Variants in CDKL1 observed in about 807,000 individuals in gnomAD.
CDKL1 encodes cyclin-dependent kinase-like 1.
Under a neutral mutation model 42.0 loss-of-function variants are expected in CDKL1, and 41 were observed. The ratio of observed to expected loss-of-function variants is 0.98; its 90% CI spans 0.76 to 1.27. CDKL1 has a LOEUF of 1.27. Among genes scored for constraint, CDKL1 ranks in the 50% most tolerant of loss-of-function variants. The pLI is 0.00. For synonymous variants in CDKL1, 153 were observed against 158.6 expected, an observed-to-expected ratio of 0.96 and a Z score of 0.26; for missense variants, 394 against 428.4, an observed-to-expected ratio of 0.92 and a Z score of 0.71.
chr14:50,338,092 A>C (rs2033374274), intron 7 of CDKL1, among the ~76,000 whole-genome samples: 1 of 152,192 alleles, frequency 6.6e-6, no homozygotes. Flanking sequence ...TCACAGGAAT[A>C]AATTGTTGGA....
intron 2 of CDKL1, among the ~76,000 whole-genome samples, chr14:50,368,717 C>T (rs1166016785): frequency 1.3e-5 from 2 of 152,098 alleles, no homozygotes; most frequent in African/African-American, 2.4e-5. Context: ...ACGTATCCTA[C>T]GTGGGCAGCT....
intron 5 of CDKL1, among the ~76,000 whole-genome samples, chr14:50,341,653 T>G (rs1006832683): frequency 6.6e-6 from 1 of 152,016 alleles, no homozygotes; most frequent in Non-Finnish European, 1.5e-5. Context: ...TGGTGGCTCA[T>G]GCCTGTAGTC....
intron 7 of CDKL1, 159 bp from the exon 8 acceptor site, chr14:50,334,780 T>G: frequency 1.8e-6 from 1 of 569,126 alleles, no homozygotes; most frequent in Non-Finnish European, 3.1e-6. Flanking sequence ...CCTTTGCCTT[T>G]TTCACAAGCT....
At chr14:50,343,058 T>TTA (rs1477887140) in intron 4 of CDKL1, 1 of 1,325,186 alleles carries the variant, frequency 7.5e-7, no homozygotes, top group East Asian at 4.9e-5. Context: ...AACAGGGTGA[T>TTA]CTTAGAGAAA....
intron 2 of CDKL1, among the ~76,000 whole-genome samples, chr14:50,376,741 A>C (rs1301869820): frequency 1.3e-5 from 2 of 152,214 alleles, no homozygotes; most frequent in African/African-American, 4.8e-5. Flanking sequence ...TAAGAACACT[A>C]TATTGAGCCC....
At chr14:50,353,841 A>G (rs1454654202) in intron 3 of CDKL1, among the ~76,000 whole-genome samples, 1 of 152,208 alleles carries the variant, frequency 6.6e-6, no homozygotes, top group Non-Finnish European at 1.5e-5. Context: ...GTTTAGCCTG[A>G]GCAGCATAGC....
intron 7 of CDKL1, 70 bp downstream of exon 7, chr14:50,338,877 C>T: frequency 1.0e-6 from 1 of 974,376 alleles, no homozygotes; most frequent in South Asian, 1.3e-5. Context: ...CCATGGGGCT[C>T]AGGAGGTGAA....
intron 2 of CDKL1, among the ~76,000 whole-genome samples, chr14:50,380,597 T>C (rs1050275255): frequency 4.6e-5 from 7 of 152,222 alleles, no homozygotes; most frequent in Admixed American, 3.3e-4. Flanking sequence ...AGGACCTTAA[T>C]TGTCTTGACG....
At chr14:50,378,462 A>C (rs768258193) in intron 2 of CDKL1, 2 of 1,362,104 alleles carry the variant, frequency 1.5e-6, no homozygotes, top group Non-Finnish European at 2.0e-6. Flanking sequence ...TTAATATGAG[A>C]GCACTACACT....
At chr14:50,389,527 A>G (rs549792207) in intron 2 of CDKL1, among the ~76,000 whole-genome samples, 1 of 152,152 alleles carries the variant, frequency 6.6e-6, no homozygotes, top group South Asian at 2.1e-4. Context: ...TTTAGGAGTG[A>G]CCTTGTTCTC....
intron 3 of CDKL1, among the ~76,000 whole-genome samples, chr14:50,349,082 T>C (rs1464011187): frequency 1.3e-5 from 2 of 152,078 alleles, no homozygotes; most frequent in Admixed American, 1.3e-4. Context: ...CAAGACACAC[T>C]CATGAGTTTC....
At chr14:50,376,537 T>C (rs1280353717) in intron 2 of CDKL1, 5 of 268,122 alleles carry the variant, frequency 1.9e-5, no homozygotes, top group Non-Finnish European at 4.0e-5. Flanking sequence ...ATTAAGAAAG[T>C]ACAATTAATA....
Position 50,389,115 on chromosome 14 carries a change from AAAAAAAAAG to A in CDKL1, c.168+6577_168+6585del, listed in dbSNP as rs1177739698. Among the ~76,000 whole-genome samples the A allele has an allele frequency of 5.3e-5, 8 of 150,642 alleles. No homozygotes were observed. The East Asian group carries it at 1.4e-3, about 25-fold the overall frequency. ...CTGTCTTCAAAAAAAAAAAAAAAAAAAAAAAAAAGAGAGAGAAAAGAAAACTGAAGTCTC... is the reference window on the plus strand; with the variant it reads ...CTGTCTTCAAAAAAAAAAAAAAAAAAAGAGAGAAAAGAAAACTGAAGTCTC... On this transcript the variant is annotated intron_variant, in intron 2 of 9. Coordinates refer to ENST00000395834, the MANE Select transcript of CDKL1 (RefSeq NM_004196.7).
In CDKL1 at chr14:50,328,193, C is replaced by T. The variant is rs191859028; in HGVS notation, c.*1881G>A. The stretch of plus-strand genomic sequence containing the variant: ...TTAGGCTGTTATAGTAATCTGCCTC[C>T]GTCAAGTGTATTTTCTTGGGTTAAG... On this transcript the variant is annotated 3_prime_UTR_variant, in exon 10 of 10. Transcript: ENST00000395834. The T allele has an allele frequency of 9.9e-5, 15 of 152,182 alleles. No homozygotes were observed. Among genetic ancestry groups the T allele is most frequent in the Non-Finnish European group, 1.6e-4 (11 of 68,008 alleles). The allele number at this position is 152,182 out of a possible 1,614,324, so 9.4% of individuals were successfully genotyped here.
At chr14:50,365,486 A>T (rs186345014) in intron 2 of CDKL1, among the ~76,000 whole-genome samples, 25 of 152,196 alleles carry the variant, frequency 1.6e-4, no homozygotes, top group Non-Finnish European at 2.8e-4. Context: ...TCAATATTTT[A>T]AAATAAATTA....
intron 2 of CDKL1, among the ~76,000 whole-genome samples, chr14:50,376,005 G>A (rs1270875728): frequency 1.3e-5 from 2 of 152,142 alleles, no homozygotes; most frequent in East Asian, 3.9e-4. Flanking sequence ...TCACAGCCAA[G>A]AGGAGGCTGC....
chr14:50,370,987 A>G (rs1211517693), intron 2 of CDKL1, among the ~76,000 whole-genome samples: 1 of 152,198 alleles, frequency 6.6e-6, no homozygotes, highest in African/African-American at 2.4e-5. Context: ...GATTCCACAT[A>G]TAAGTGAGAA....
intron 2 of CDKL1, among the ~76,000 whole-genome samples, chr14:50,388,934 C>T (rs1387315124): frequency 6.6e-6 from 1 of 151,506 alleles, no homozygotes; most frequent in Non-Finnish European, 1.5e-5. Flanking sequence ...CCTGTCTCTA[C>T]TGAAAATACA....
At chr14:50,376,434 A>C in intron 2 of CDKL1, 1 of 469,822 alleles carries the variant, frequency 2.1e-6, no homozygotes, top group South Asian at 1.6e-5. Flanking sequence ...GGAGGCAAAA[A>C]ATATGAAACA....
Sources: gnomAD v4.1 joint callset for allele counts (sites outside exome capture counted in the v4.1 genomes callset) on GRCh38, gnomAD v4.1.1 for gene constraint, MANE v1.5 for transcripts, NCBI Gene and HGNC (gene_info 2026-07-23, HGNC 2026-07-21) for gene names.